PCDHGA2: variants seen among roughly 807,000 people sequenced by gnomAD.
PCDHGA2 encodes protocadherin gamma-A2.
A neutral mutation model predicts 59.2 loss-of-function variants in PCDHGA2; 40 were observed. That is an observed-to-expected ratio of 0.68 (90% CI 0.52 to 0.88). The LOEUF is 0.88. Among genes scored for constraint, PCDHGA2 ranks in the 40% least tolerant of loss-of-function variants. The probability of loss-of-function intolerance (pLI) is 0.00; values close to 1 mark genes in which losing one functional copy is unlikely to be tolerated. For synonymous variants in PCDHGA2, 560 were observed against 526.0 expected, an observed-to-expected ratio of 1.06 and a Z score of -0.89; for missense variants, 1,226 against 1,204.0, an observed-to-expected ratio of 1.02 and a Z score of -0.27.
chr5:141,441,768 T>C, intron 1 of PCDHGA2: 1 of 387,074 alleles, frequency 2.6e-6, no homozygotes. Context: ...CCTGCGCGTG[T>C]TGGTGGACGA....
intron 1 of PCDHGA2, chr5:141,419,343 A>G: frequency 6.2e-7 from 1 of 1,613,806 alleles, no homozygotes; most frequent in East Asian, 2.2e-5. Flanking sequence ...ATTGCCAGCG[A>G]CCTGGAGTCA....
chr5:141,428,200 G>A (rs1000165985), intron 1 of PCDHGA2: 3 of 1,363,858 alleles, frequency 2.2e-6, no homozygotes, highest in East Asian at 2.3e-5. Flanking sequence ...TCTCTGCGCC[G>A]CTACGCTTCA....
intron 1 of PCDHGA2, chr5:141,408,522 A>C: frequency 1.2e-6 from 2 of 1,614,026 alleles, no homozygotes; most frequent in Non-Finnish European, 1.7e-6. Flanking sequence ...TTGCAATTGG[A>C]AGCTGTGGTG....
rs769074023 is a variant in PCDHGA2, at chr5:141,491,738, G to A, written c.2425-3069G>A. ...GCGCCGCCCCGGGCGACCCCTGGGG[G>A]CGGCACTGGAGAAGCCGCCCGTCCT... On this transcript the variant is annotated intron_variant, in intron 1 of 3. Transcript: ENST00000394576. The surrounding 1 kb of genome is among the most constrained non-coding windows in gnomAD (Gnocchi z 6.9). 6.2e-7 allele frequency: 1 copy of A among 1,600,346 alleles called. No homozygotes were observed. The highest frequency in any genetic ancestry group is 8.5e-7 in the Non-Finnish European group (1 of 1,174,196).
rs752950365 is a variant in PCDHGA2, at chr5:141,339,304, G to A, written c.333G>A (p.Glu111=). The A allele has an allele frequency of 6.2e-6, 10 of 1,614,228 alleles. No individual in the cohort carries two copies. In the East Asian group the frequency reaches 1.8e-4, roughly 29 times the overall value. The change falls in exon 1 of 4, where the codon GAG becomes GAA. Residue 111 remains glutamate (E), a synonymous_variant. Coordinates refer to ENST00000394576, the MANE Select transcript of PCDHGA2 (RefSeq NM_018915.4). ...PCLLNFNILL[E]DKLTIYSVEV... ...TGTTGAATTTTAACATTCTGCTGGAGGATAAATTGACTATTTATTCAGTAG... is the reference window on the plus strand; with the variant it reads ...TGTTGAATTTTAACATTCTGCTGGAAGATAAATTGACTATTTATTCAGTAG...
chr5:141,396,725 T>A (rs1432052825), intron 1 of PCDHGA2: 2 of 152,198 alleles, frequency 1.3e-5, no homozygotes, highest in East Asian at 3.8e-4. Flanking sequence ...AATACCTGAA[T>A]TGATTGTTGT....
chr5:141,359,342 G>A (rs1479136491), intron 1 of PCDHGA2, among the ~76,000 whole-genome samples: 1 of 152,012 alleles, frequency 6.6e-6, no homozygotes, highest in Non-Finnish European at 1.5e-5. Flanking sequence ...GAATGAGAGT[G>A]CCACATGTTT....
intron 1 of PCDHGA2, among the ~76,000 whole-genome samples, chr5:141,488,423 T>C (rs1204233986): frequency 2.0e-5 from 3 of 152,354 alleles, no homozygotes; most frequent in Non-Finnish European, 4.4e-5. Context: ...CCATCCATGC[T>C]TGGCCTCTGA....
chr5:141,417,613 G>A (rs984573855), intron 1 of PCDHGA2: 2 of 624,312 alleles, frequency 3.2e-6, no homozygotes, highest in African/African-American at 3.7e-5. Flanking sequence ...GTCGGCCAGT[G>A]CAGAGCAAGC....
At chr5:141,418,583 T>A (rs1242446631) in intron 1 of PCDHGA2, 1 of 1,613,862 alleles carries the variant, frequency 6.2e-7, no homozygotes, top group Non-Finnish European at 8.5e-7. Flanking sequence ...CCCCCCAGTG[T>A]TCAGCCAGGA....
chr5:141,487,404 C>T lies in PCDHGA2; in HGVS notation c.2425-7403C>T, dbSNP rs771371344. ...AGATCTCGAAGGAGGGAGGGGCTTC[C>T]CCCTTCCAATGGGATCCTCCGAATC... On this transcript the variant is annotated intron_variant, in intron 1 of 3. Transcript: ENST00000394576. The surrounding 1 kb of genome is among the most constrained non-coding windows in gnomAD (Gnocchi z 5.0). 2 of 1,614,178 alleles carry T rather than the reference C, an allele frequency of 1.2e-6. No homozygotes were observed. Among genetic ancestry groups the T allele is most frequent in the Non-Finnish European group, 8.5e-7 (1 of 1,180,032 alleles).
intron 3 of PCDHGA2, among the ~76,000 whole-genome samples, chr5:141,508,579 G>A (rs569867127): frequency 6.6e-6 from 1 of 152,234 alleles, no homozygotes; most frequent in East Asian, 1.9e-4. Flanking sequence ...ACCCACTCGG[G>A]GTGCTACTCA....
At chr5:141,347,137 C>CTCTTTCTTTCTTTCTTTCTTTCCT (rs1757893465) in intron 1 of PCDHGA2, among the ~76,000 whole-genome samples, 1 of 113,744 alleles carries the variant, frequency 8.8e-6, no homozygotes, top group African/African-American at 3.8e-5. Context: ...CTCTGTTTCT[C>CTCTTTCTTTCTTTCTTTCTTTCCT]TCTTTCTTTC....
intron 1 of PCDHGA2, chr5:141,492,003 T>G: frequency 1.6e-6 from 1 of 626,972 alleles, no homozygotes; most frequent in Non-Finnish European, 2.6e-6. Context: ...TCGGGCGATT[T>G]CCGCGGGTGT....
chr5:141,364,451 A>AAAGGCTC, intron 1 of PCDHGA2: 1 of 1,613,974 alleles, frequency 6.2e-7, no homozygotes, highest in Non-Finnish European at 8.5e-7. Context: ...GGAGCTGGAC[A>AAAGGCTC]AAGGCTCCTT....
At chr5:141,449,215 T>C (rs2098631967) in intron 1 of PCDHGA2, among the ~76,000 whole-genome samples, 2 of 152,170 alleles carry the variant, frequency 1.3e-5, no homozygotes, top group Non-Finnish European at 2.9e-5. Context: ...ACTTTCTGTT[T>C]TGAAATGATT....
chr5:141,486,552 A>C lies in PCDHGA2; in HGVS notation c.2425-8255A>C. The C allele has an allele frequency of 6.2e-7, 1 of 1,614,136 alleles. No individual in the cohort carries two copies. The highest frequency in any genetic ancestry group is 1.1e-5 in the South Asian group (1 of 91,082). On this transcript the variant is annotated intron_variant, in intron 1 of 3. Coordinates refer to ENST00000394576, the MANE Select transcript of PCDHGA2 (RefSeq NM_018915.4). This position sits in a 1 kb window ranked among gnomAD's most constrained non-coding sequence, Gnocchi z 5.0. The stretch of plus-strand genomic sequence containing the variant: ...CCACCCTCTTTCTTTCAGAGGTCAC[A>C]TGAGGTGTTTGTTCCTGAGAACAAT...
intron 1 of PCDHGA2, among the ~76,000 whole-genome samples, chr5:141,457,687 G>A (rs2098927754): frequency 6.6e-6 from 1 of 152,198 alleles, no homozygotes; most frequent in Admixed American, 6.5e-5. Context: ...TAGGACTTTT[G>A]GATTGGCTTT....
chr5:141,350,903 G>A, intron 1 of PCDHGA2: 1 of 1,614,070 alleles, frequency 6.2e-7, no homozygotes, highest in Non-Finnish European at 8.5e-7. Context: ...CATGGATGGC[G>A]GGGACCCGCC....
Sources: gnomAD v4.1 joint callset for allele counts (sites outside exome capture counted in the v4.1 genomes callset) on GRCh38, gnomAD v4.1.1 for gene constraint, Gnocchi (gnomAD v3.1) non-coding constraint, MANE v1.5 for transcripts, NCBI Gene and HGNC (gene_info 2026-07-23, HGNC 2026-07-21) for gene names.